Variants in GALNTL6 observed in about 807,000 individuals in gnomAD.
GALNTL6 encodes the protein polypeptide N-acetylgalactosaminyltransferase-like 6.
In GALNTL6, 46 loss-of-function variants were observed where a neutral mutation model predicts 73.7. The ratio of observed to expected loss-of-function variants is 0.62; its 90% CI spans 0.49 to 0.80. The LOEUF (loss-of-function observed/expected upper bound fraction) is 0.80, where lower values mean the gene tolerates loss of function less well. Ranked by LOEUF, GALNTL6 falls within the 30% of genes least tolerant of loss-of-function variation. The pLI, the probability that GALNTL6 is intolerant of heterozygous loss-of-function variation, is 0.00. For missense variants in GALNTL6, 604 were observed against 755.0 expected (o/e 0.80, Z 2.34); for synonymous variants, 259 against 263.7 (o/e 0.98, Z 0.17).
chr4:172,539,892 TATATATATATATATAA>T (rs1170431802), intron 5 of GALNTL6, among the ~76,000 whole-genome samples: 147 of 137,198 alleles, frequency 1.1e-3, no homozygotes, highest in African/African-American at 4.2e-3. Context: ...TATATATATA[TATATATATATATATAA>T]AAAATCTCAT....
At chr4:172,306,779 C>CA in intron 3 of GALNTL6, among the ~76,000 whole-genome samples, 1 of 152,350 alleles carries the variant, frequency 6.6e-6, no homozygotes, top group South Asian at 2.1e-4. Flanking sequence ...CAGGTTGCTA[C>CA]AAATGCCATT....
Position 172,656,357 on chromosome 4 carries a change from G to A in GALNTL6, c.554-153004G>A, listed in dbSNP as rs535627061. Reference sequence around the variant, plus strand: ...TCAGATTATGTGACCTTCAACCTTGGAATCCATGTCAACTGATAAACAACT... The same window carrying A: ...TCAGATTATGTGACCTTCAACCTTGAAATCCATGTCAACTGATAAACAACT... On this transcript the variant is annotated intron_variant, in intron 5 of 12. Coordinates refer to ENST00000506823, the MANE Select transcript of GALNTL6 (RefSeq NM_001034845.3). 2.6e-5 allele frequency among the ~76,000 whole-genome samples: 4 copies of A among 152,266 alleles called. No individual in the cohort carries two copies. In the East Asian group the frequency reaches 7.7e-4, roughly 29 times the overall value.
At position 172,583,893 on chromosome 4, in the gene GALNTL6, CAAAAAAAAAAA is replaced by C. The variant is rs57722016; in HGVS notation, c.554-225451_554-225441del. On this transcript the variant is annotated intron_variant, in intron 5 of 12. Transcript: ENST00000506823. ...GGGCCGACAGAGCGAGACTCTGTCT[CAAAAAAAAAAA>C]AAAAAAAAAAAAAAAATCAGATGCT... Among the ~76,000 whole-genome samples the C allele has an allele frequency of 9.5e-5, 3 of 31,616 alleles. No individual in the cohort carries two copies. In the East Asian group the frequency reaches 2.4e-3, roughly 26 times the overall value. The allele number at this position is 31,616 out of a possible 152,430, so 20.7% of individuals were successfully genotyped here. A position where few individuals can be genotyped will look rare whatever the true frequency, so the allele number is the denominator to read the frequency against.
intron 5 of GALNTL6, among the ~76,000 whole-genome samples, chr4:172,450,371 T>C (rs1322419067): frequency 6.6e-6 from 1 of 152,194 alleles, no homozygotes; most frequent in Non-Finnish European, 1.5e-5. Context: ...CCCCACTCTA[T>C]GTGGTCTATC....
intron 10 of GALNTL6, among the ~76,000 whole-genome samples, chr4:172,954,863 A>C: frequency 6.6e-6 from 1 of 152,308 alleles, no homozygotes. Context: ...GGTTTAGGAA[A>C]GAAGAAAATG....
chr4:171,948,396 C>A (rs929875208), intron 2 of GALNTL6, among the ~76,000 whole-genome samples: 2 of 152,024 alleles, frequency 1.3e-5, no homozygotes, highest in Non-Finnish European at 2.9e-5. Context: ...TGGCTATGGC[C>A]CTGGGTGTAA....
rs72708708 is a variant in GALNTL6 at position 172,809,297 on chromosome 4, G to A, written c.554-64G>A. ...ACATACTCTCTATGCACAAACAACC[G>A]TGAATAATTCAGCTGCAACTAATGT... On this transcript the variant is annotated intron_variant, in intron 5 of 12. Coordinates refer to ENST00000506823, the MANE Select transcript of GALNTL6 (RefSeq NM_001034845.3). The surrounding 1 kb of genome is among the most constrained non-coding windows in gnomAD (Gnocchi z 4.4). 0.021 allele frequency: 28,013 copies of A among 1,331,346 alleles called. 352 individuals are homozygous for A. Among genetic ancestry groups the A allele is most frequent in the Non-Finnish European group, 0.026 (24,138 of 935,222 alleles). The allele number at this position is 1,331,346 out of a possible 1,614,324, so 82.5% of individuals were successfully genotyped here. A position where few individuals can be genotyped will look rare whatever the true frequency, so the allele number is the denominator to read the frequency against.
chr4:172,654,322 C>G (rs978958660), intron 5 of GALNTL6, among the ~76,000 whole-genome samples: 1 of 152,196 alleles, frequency 6.6e-6, no homozygotes. Flanking sequence ...TTGTTCTCAA[C>G]CGAACCATTA....
intron 2 of GALNTL6, among the ~76,000 whole-genome samples, chr4:172,159,378 G>A (rs1336622805): frequency 2.6e-5 from 4 of 152,098 alleles, no homozygotes; most frequent in Admixed American, 6.5e-5. Context: ...AGAAATAATC[G>A]TACAAATAAA....
intron 2 of GALNTL6, among the ~76,000 whole-genome samples, chr4:172,087,218 C>T (rs1000889786): frequency 2.0e-5 from 3 of 151,942 alleles, no homozygotes; most frequent in Non-Finnish European, 2.9e-5. Flanking sequence ...CCGAGGCAGG[C>T]GGCTCACGAG....
chr4:172,661,873 G>C (rs949911480), intron 5 of GALNTL6, among the ~76,000 whole-genome samples: 5 of 152,176 alleles, frequency 3.3e-5, no homozygotes, highest in African/African-American at 1.2e-4. Flanking sequence ...GTGAATGACA[G>C]CAAAACAGTC....
chr4:172,639,060 T>C (rs1424345052), intron 5 of GALNTL6, among the ~76,000 whole-genome samples: 2 of 152,150 alleles, frequency 1.3e-5, no homozygotes, highest in African/African-American at 4.8e-5. Flanking sequence ...GGTATTAACT[T>C]TGATCATTTG....
rs191222347 is a variant in GALNTL6, at chr4:172,853,198, G to A, written c.924-29592G>A. ...CAGCTGGGAAAGTATCCATTTGCAA[G>A]CTTACTCAGGTTGTTGAAAGAATTC... On this transcript the variant is annotated intron_variant, in intron 7 of 12. Coordinates refer to ENST00000506823, the MANE Select transcript of GALNTL6 (RefSeq NM_001034845.3). 5.9e-5 allele frequency among the ~76,000 whole-genome samples: 9 copies of A among 152,312 alleles called. No individual in the cohort carries two copies. In the East Asian group the frequency reaches 1.5e-3, roughly 26 times the overall value.
intron 5 of GALNTL6, among the ~76,000 whole-genome samples, chr4:172,593,460 G>A (rs545481953): frequency 3.3e-5 from 5 of 152,240 alleles, no homozygotes; most frequent in East Asian, 1.9e-4. Context: ...TAGGATCATC[G>A]GTAATGCTGC....
intron 10 of GALNTL6, among the ~76,000 whole-genome samples, chr4:172,973,333 TA>T (rs1420456204): frequency 6.6e-6 from 1 of 152,196 alleles, no homozygotes; most frequent in Non-Finnish European, 1.5e-5. Flanking sequence ...ATGCCTGAAA[TA>T]TTCTTTTTAT....
rs186559393 is a variant in GALNTL6, at chr4:172,509,935, G to A, written c.553+161246G>A. 1.8e-4 allele frequency among the ~76,000 whole-genome samples: 10 copies of A among 54,394 alleles called. 5 individuals carry two copies. Among genetic ancestry groups the A allele is most frequent in the Non-Finnish European group, 2.5e-4 (6 of 23,586 alleles). 35.7% of individuals were successfully genotyped at this position (54,394 alleles called of 152,430 possible). A position where few individuals can be genotyped will look rare whatever the true frequency, so the allele number is the denominator to read the frequency against. ...CTTTGGCTATGTGGGCTCTTTTTTG[G>A]TTTTATATGAATTTGAGAATTGATT... On this transcript the variant is annotated intron_variant, in intron 5 of 12. Transcript: ENST00000506823.
intron 2 of GALNTL6, among the ~76,000 whole-genome samples, chr4:171,988,539 G>T (rs571130599): frequency 1.3e-5 from 2 of 152,160 alleles, no homozygotes; most frequent in Admixed American, 6.5e-5. Context: ...ATAGTGGATT[G>T]TGGAGGGAGG....
chr4:172,182,979 A>G (rs1041444189), intron 2 of GALNTL6, among the ~76,000 whole-genome samples: 3 of 152,210 alleles, frequency 2.0e-5, no homozygotes, highest in African/African-American at 7.2e-5. Context: ...TAGCTTTCCA[A>G]GAATTCACAC....
chr4:171,837,950 T>C (rs1292382462), intron 2 of GALNTL6, among the ~76,000 whole-genome samples: 4 of 151,468 alleles, frequency 2.6e-5, no homozygotes, highest in Non-Finnish European at 4.4e-5. Context: ...GAGAGTCATA[T>C]ATTCTTGGCT....
Sources: gnomAD v4.1 joint callset for allele counts (sites outside exome capture counted in the v4.1 genomes callset) on GRCh38, gnomAD v4.1.1 for gene constraint, Gnocchi (gnomAD v3.1) non-coding constraint, MANE v1.5 for transcripts, NCBI Gene and HGNC (gene_info 2026-07-23, HGNC 2026-07-21) for gene names.